The following MYO1E variants were observed in gnomAD, a reference collection of about 807,000 sequenced individuals.
MYO1E encodes the protein myosin IE.
A neutral mutation model predicts 151.1 loss-of-function variants in MYO1E; 68 were observed. The observed-to-expected ratio is 0.45, with a 90% CI of 0.37 to 0.55. MYO1E has a LOEUF of 0.55. Ranked by LOEUF, MYO1E falls within the 20% of genes least tolerant of loss-of-function variation. MYO1E has a pLI of 0.00. For synonymous variants in MYO1E, 601 were observed against 501.7 expected (o/e 1.20, Z -2.64); for missense variants, 1,363 against 1,389.3 (o/e 0.98, Z 0.30).
Position 59,271,572 on chromosome 15 carries a change from AC to A in MYO1E, c.147+733del, listed in dbSNP as rs540097891. Among the ~76,000 whole-genome samples, 51 of 152,322 alleles carry A rather than the reference AC, an allele frequency of 3.3e-4. No individual in the cohort carries two copies. The South Asian group carries it at 0.011, about 32-fold the overall frequency. On this transcript the variant is annotated intron_variant, in intron 2 of 27. Coordinates refer to ENST00000288235, the MANE Select transcript of MYO1E (RefSeq NM_004998.4). ...CAGTTCCCTGTTGATAATGAAGTCA[AC>A]CCATATTTGAATCAAATTTCCATTC...
chr15:59,367,516 G>C (rs1260308858), intron 1 of MYO1E, among the ~76,000 whole-genome samples: 7 of 152,230 alleles, frequency 4.6e-5, no homozygotes, highest in Admixed American at 4.6e-4. Context: ...CAGGTGTTGA[G>C]ATAGCGCCAA....
chr15:59,329,045 C>T (rs893415572), intron 1 of MYO1E, among the ~76,000 whole-genome samples: 5 of 152,096 alleles, frequency 3.3e-5, no homozygotes, highest in African/African-American at 7.2e-5. Flanking sequence ...ACAGAAGGTA[C>T]GGAGGACTCA....
chr15:59,194,595 A>G (rs1261719028), intron 17 of MYO1E, among the ~76,000 whole-genome samples: 2 of 152,188 alleles, frequency 1.3e-5, no homozygotes, highest in Non-Finnish European at 2.9e-5. Context: ...AGAAGACAAG[A>G]GGTAGCAATT....
chr15:59,274,024 C>T (rs529207656), intron 1 of MYO1E, among the ~76,000 whole-genome samples: 1 of 151,814 alleles, frequency 6.6e-6, no homozygotes, highest in African/African-American at 2.4e-5. Context: ...GGAAGCCATT[C>T]CAAATTTTAT....
At chr15:59,324,153 T>C (rs1425419357) in intron 1 of MYO1E, among the ~76,000 whole-genome samples, 4 of 152,124 alleles carry the variant, frequency 2.6e-5, no homozygotes, top group Non-Finnish European at 5.9e-5. Context: ...CAAGTACATA[T>C]ATCCGTGTGG....
chr15:59,195,572 A>G lies in MYO1E; in HGVS notation c.1699-5T>C. 6.2e-7 allele frequency: 1 copy of G among 1,608,302 alleles called. No individual in the cohort carries two copies. The highest frequency in any genetic ancestry group is 8.5e-7 in the Non-Finnish European group (1 of 1,174,668). On this transcript the variant is annotated splice_polypyrimidine_tract_variant and splice_region_variant and intron_variant, in intron 16 of 27. Coordinates refer to ENST00000288235, the MANE Select transcript of MYO1E (RefSeq NM_004998.4). The stretch of plus-strand genomic sequence containing the variant: ...CACAAGGTCATTGGCTTGTTTCTAG[A>G]AAGGAAGAACAGTATCAGAATCATG...
chr15:59,163,133 T>A lies in MYO1E; in HGVS notation c.2627+24A>T, dbSNP rs376675904. On this transcript the variant is annotated intron_variant, in intron 23 of 27. Coordinates refer to ENST00000288235, the MANE Select transcript of MYO1E (RefSeq NM_004998.4). Reference sequence around the variant, plus strand: ...ACCCCTTTTTAGCTACACGCAGAAGTCTGGGTCCCAGATCCGGACTTACGT... The same window carrying A: ...ACCCCTTTTTAGCTACACGCAGAAGACTGGGTCCCAGATCCGGACTTACGT... 3.7e-5 allele frequency: 59 copies of A among 1,613,506 alleles called. No homozygotes were observed. The African/African-American group carries it at 6.3e-4, about 17-fold the overall frequency.
chr15:59,231,925 G>T, intron 5 of MYO1E, 134 bp from the exon 6 acceptor site: 1 of 754,538 alleles, frequency 1.3e-6, no homozygotes, highest in South Asian at 1.5e-5. Context: ...CACTGGTGGG[G>T]TTTCTGGAGG....
At chr15:59,267,336 A>G (rs550035255) in intron 2 of MYO1E, among the ~76,000 whole-genome samples, 1 of 152,154 alleles carries the variant, frequency 6.6e-6, no homozygotes, top group Non-Finnish European at 1.5e-5. Context: ...GTTAAAATCT[A>G]TTTGAATAGT....
chr15:59,299,036 A>G lies in MYO1E; in HGVS notation c.4-26587T>C, dbSNP rs576949908. Among the ~76,000 whole-genome samples, 13 of 152,360 alleles carry G rather than the reference A, an allele frequency of 8.5e-5. No individual in the cohort carries two copies. The South Asian group carries it at 2.1e-3, about 24-fold the overall frequency. ...AAAAGCCTGGTCTCTATGGCAAATT[A>G]TCACAGACATGAAGGCCAGTGAGCT... On this transcript the variant is annotated intron_variant, in intron 1 of 27. Coordinates refer to ENST00000288235, the MANE Select transcript of MYO1E (RefSeq NM_004998.4).
chr15:59,162,502 TG>T (rs1185301117), intron 23 of MYO1E, among the ~76,000 whole-genome samples: 1 of 151,810 alleles, frequency 6.6e-6, no homozygotes, highest in Non-Finnish European at 1.5e-5. Context: ...AAACATTAGC[TG>T]GGTGTGGTGG....
intron 2 of MYO1E, among the ~76,000 whole-genome samples, chr15:59,269,981 C>T (rs576001880): frequency 1.3e-5 from 2 of 152,232 alleles, no homozygotes; most frequent in East Asian, 3.9e-4. Context: ...GCTCTGCCAC[C>T]ATAGTGTGAA....
intron 22 of MYO1E, among the ~76,000 whole-genome samples, chr15:59,169,827 C>T (rs1489211052): frequency 3.3e-5 from 5 of 152,162 alleles, no homozygotes; most frequent in Non-Finnish European, 7.4e-5. Context: ...CCCTCAAGGA[C>T]TTATCAATAA....
chr15:59,282,095 T>A (rs759891944), intron 1 of MYO1E, among the ~76,000 whole-genome samples: 6 of 152,316 alleles, frequency 3.9e-5, no homozygotes, highest in African/African-American at 9.6e-5. Context: ...TATTGGGCCT[T>A]TTCTTGTCAA....
chr15:59,236,540 A>G (rs368033499), intron 5 of MYO1E, 45 bp downstream of exon 5: 82 of 1,510,352 alleles, frequency 5.4e-5, no homozygotes, highest in Non-Finnish European at 7.3e-5. Flanking sequence ...AGCCTCTTAC[A>G]TTTCCCATAA....
At chr15:59,147,789 G>A (rs2079450876) in intron 26 of MYO1E, among the ~76,000 whole-genome samples, 1 of 152,012 alleles carries the variant, frequency 6.6e-6, no homozygotes, top group Non-Finnish European at 1.5e-5. Flanking sequence ...AGGCACAGCT[G>A]CCAAGGGTGT....
intron 1 of MYO1E, among the ~76,000 whole-genome samples, chr15:59,371,291 G>A (rs2080942775): frequency 6.6e-6 from 1 of 152,046 alleles, no homozygotes; most frequent in Non-Finnish European, 1.5e-5. Flanking sequence ...TTTTTAATTA[G>A]TGTTGTGCTG....
At chr15:59,279,289 T>C (rs1286169332) in intron 1 of MYO1E, among the ~76,000 whole-genome samples, 2 of 152,176 alleles carry the variant, frequency 1.3e-5, no homozygotes, top group East Asian at 1.9e-4. Flanking sequence ...TCAACCTTCC[T>C]AGAAGAGCTG....
chr15:59,361,790 T>C (rs1223250392), intron 1 of MYO1E, among the ~76,000 whole-genome samples: 2 of 152,142 alleles, frequency 1.3e-5, no homozygotes, highest in Non-Finnish European at 2.9e-5. Flanking sequence ...ATTTTGAACT[T>C]GGTGTGGATC....
Sources: allele counts gnomAD v4.1 joint callset (sites outside exome capture counted in the v4.1 genomes callset), GRCh38; gene constraint gnomAD v4.1.1; transcripts MANE v1.5; gene names NCBI Gene and HGNC (gene_info 2026-07-23, HGNC 2026-07-21).